WDR1: variants seen among roughly 807,000 people sequenced by gnomAD.
The protein encoded by WDR1 is WD repeat-containing protein 1.
A neutral mutation model predicts 71.9 loss-of-function variants in WDR1; 21 were observed. The ratio of observed to expected loss-of-function variants is 0.29; its 90% CI spans 0.21 to 0.42. WDR1 has a LOEUF of 0.42. WDR1 is among the 10% of genes least tolerant of loss of function. The pLI is 1.00. For synonymous variants in WDR1, 424 were observed against 347.4 expected (o/e 1.22, Z -2.45); for missense variants, 696 against 824.5 (o/e 0.84, Z 1.91).
intron 10 of WDR1, among the ~76,000 whole-genome samples, chr4:10,082,458 C>T (rs2109644194): frequency 6.6e-6 from 1 of 152,354 alleles, no homozygotes; most frequent in Non-Finnish European, 1.5e-5. Flanking sequence ...GAACATTTCT[C>T]TTTCAAGTCC....
intron 5 of WDR1, among the ~76,000 whole-genome samples, chr4:10,088,985 G>A (rs937938277): frequency 1.3e-5 from 2 of 152,212 alleles, no homozygotes; most frequent in African/African-American, 2.4e-5. Flanking sequence ...TAGCCCGAGC[G>A]AAGGCAGACC....
intron 2 of WDR1, among the ~76,000 whole-genome samples, chr4:10,107,126 T>C (rs1713069976): frequency 6.6e-6 from 1 of 152,058 alleles, no homozygotes; most frequent in Non-Finnish European, 1.5e-5. Flanking sequence ...AAAAGTTCTG[T>C]CTCCCCATCT....
intron 4 of WDR1, among the ~76,000 whole-genome samples, 200 bp from the exon 5 acceptor site, chr4:10,098,091 A>G (rs1295449232): frequency 6.6e-6 from 1 of 151,982 alleles, no homozygotes; most frequent in Non-Finnish European, 1.5e-5. Flanking sequence ...AGGACCCAAG[A>G]ACAAGATGGG....
chr4:10,099,685 C>T (rs6830418), intron 3 of WDR1, among the ~76,000 whole-genome samples: 7 of 152,234 alleles, frequency 4.6e-5, no homozygotes, highest in African/African-American at 1.2e-4. Context: ...CGTGGCCTGG[C>T]GGCCTCCACC....
Position 10,075,160 on chromosome 4 carries a change from C to T in WDR1, c.*218G>A, listed in dbSNP as rs1485220600. 3.7e-6 allele frequency: 2 copies of T among 545,064 alleles called. No homozygotes were observed. Among genetic ancestry groups the T allele is most frequent in the African/African-American group, 1.9e-5 (1 of 52,954 alleles). The allele number at this position is 545,064 out of a possible 1,614,324, so 33.8% of individuals were successfully genotyped here. On this transcript the variant is annotated 3_prime_UTR_variant, in exon 15 of 15. Transcript: ENST00000499869. ...TTATGCTCCACACATTGTTTAGGTG[C>T]TCGCTTTATTTTTCATGTGCAAACT...
chr4:10,086,097 C>T (rs528833756), intron 8 of WDR1, among the ~76,000 whole-genome samples: 18 of 152,310 alleles, frequency 1.2e-4, no homozygotes, highest in Admixed American at 9.8e-4. Flanking sequence ...AGAACACTGT[C>T]GGGGATGGCT....
intron 10 of WDR1, 94 bp from the exon 11 acceptor site, chr4:10,081,538 T>C: frequency 8.3e-7 from 1 of 1,207,104 alleles, no homozygotes; most frequent in East Asian, 2.4e-5. Flanking sequence ...GTTTTGCTCC[T>C]TAGAAGGCAA....
At chr4:10,102,671 C>T (rs530017255) in intron 3 of WDR1, among the ~76,000 whole-genome samples, 7 of 152,328 alleles carry the variant, frequency 4.6e-5, no homozygotes, top group South Asian at 4.1e-4. Flanking sequence ...AAGACAGAGC[C>T]GAACCCAGGT....
chr4:10,105,057 T>G (rs953656584), intron 2 of WDR1, among the ~76,000 whole-genome samples: 4 of 152,242 alleles, frequency 2.6e-5, no homozygotes, highest in African/African-American at 9.6e-5. Context: ...TCCACGTCTG[T>G]GTGTAGTCTG....
chr4:10,093,518 G>A lies in WDR1; in HGVS notation c.558+4193C>T, dbSNP rs978113113. On this transcript the variant is annotated intron_variant, in intron 5 of 14. Coordinates refer to ENST00000499869, the MANE Select transcript of WDR1 (RefSeq NM_017491.5). ...TCCACTTAGTTGGGCTGAGGGGCAC[G>A]AAGGAGCTACCCACCCAACTGCCTC... Among the ~76,000 whole-genome samples, 5 of 152,378 alleles carry A rather than the reference G, an allele frequency of 3.3e-5. No individual in the cohort carries two copies. The East Asian group carries it at 5.8e-4, about 18-fold the overall frequency.
intron 3 of WDR1, 65 bp downstream of exon 3, chr4:10,103,831 G>A: frequency 7.7e-6 from 8 of 1,032,392 alleles, no homozygotes; most frequent in East Asian, 5.8e-5. Context: ...GCCCAGCTTC[G>A]CCCTGGGCCC....
Position 10,093,056 on chromosome 4 carries a change from G to A in WDR1, c.559-4315C>T, listed in dbSNP as rs749039674. Reference sequence around the variant, plus strand: ...GCTCCCTCTCACCACCGAGGAAACCGAGGCTTGAAGCACTGAGGTCATAAT... The same window carrying A: ...GCTCCCTCTCACCACCGAGGAAACCAAGGCTTGAAGCACTGAGGTCATAAT... On this transcript the variant is annotated intron_variant, in intron 5 of 14. Transcript: ENST00000499869. 187 of 1,289,198 alleles carry A rather than the reference G, an allele frequency of 1.5e-4. No homozygotes were observed. In the Middle Eastern group the frequency reaches 1.5e-3, roughly 10 times the overall value. 79.9% of individuals were successfully genotyped at this position (1,289,198 alleles called of 1,614,324 possible). A position where few individuals can be genotyped will look rare whatever the true frequency, so the allele number is the denominator to read the frequency against.
rs1486104768 is a variant in WDR1, at chr4:10,093,084, AG to A, written c.559-4344del. Reference sequence around the variant, plus strand: ...GCTTGAAGCACTGAGGTCATAATTAAGTACCACACCCATGTCAACATCACAG... The same window carrying A: ...GCTTGAAGCACTGAGGTCATAATTAATACCACACCCATGTCAACATCACAG... On this transcript the variant is annotated intron_variant, in intron 5 of 14. Transcript: ENST00000499869. The A allele has an allele frequency of 2.3e-6, 3 of 1,289,364 alleles. No homozygotes were observed. In the African/African-American group the frequency reaches 4.6e-5, roughly 20 times the overall value. The allele number at this position is 1,289,364 out of a possible 1,614,324, so 79.9% of individuals were successfully genotyped here.
Position 10,116,206 on chromosome 4 carries a change from C to G in WDR1, c.45G>C (p.Val15=), listed in dbSNP as rs1159701991. Residue 15 remains valine, a synonymous_variant, in exon 2 of 15, where the codon GTG becomes GTC. Transcript: ENST00000499869. ...CGATGATCTTGGAGACGCCCCTCTC[C>G]ACCTGCGGGAGGCTGGCGAACACCT... ...IKKVFASLPQ[V]ERGVSKIIGG... is the part of the protein sequence containing the mutation. The G allele has an allele frequency of 1.1e-5, 17 of 1,613,716 alleles. No individual in the cohort carries two copies. Among genetic ancestry groups the G allele is most frequent in the Non-Finnish European group, 1.4e-5 (16 of 1,179,828 alleles).
intron 2 of WDR1, among the ~76,000 whole-genome samples, chr4:10,109,630 T>C (rs756283611): frequency 2.0e-5 from 3 of 152,232 alleles, no homozygotes; most frequent in Non-Finnish European, 4.4e-5. Flanking sequence ...GTACTCACCG[T>C]GTGGCCCTGC....
At chr4:10,116,317 T>C (rs1435681621) in intron 1 of WDR1, 83 bp from the exon 2 acceptor site, 1 of 1,577,800 alleles carries the variant, frequency 6.3e-7, no homozygotes, top group Admixed American at 1.7e-5. Flanking sequence ...CCCGGACCGG[T>C]CTCGGCCGGT....
Position 10,075,147 on chromosome 4 carries a change from C to G in WDR1, c.*231G>C. ...CTGTGGGTTTTAGTTATGCTCCACA[C>G]ATTGTTTAGGTGCTCGCTTTATTTT... On this transcript the variant is annotated 3_prime_UTR_variant, in exon 15 of 15. Transcript: ENST00000499869. The G allele has an allele frequency of 1.9e-6, 1 of 530,546 alleles. No individual in the cohort carries two copies. The highest frequency in any genetic ancestry group is 3.3e-5 in the Admixed American group (1 of 29,854). The allele number at this position is 530,546 out of a possible 1,614,324, so 32.9% of individuals were successfully genotyped here. A position where few individuals can be genotyped will look rare whatever the true frequency, so the allele number is the denominator to read the frequency against.
chr4:10,107,585 G>T (rs1257141661), intron 2 of WDR1, among the ~76,000 whole-genome samples: 1 of 152,158 alleles, frequency 6.6e-6, no homozygotes, highest in African/African-American at 2.4e-5. Flanking sequence ...AACCCTTGAG[G>T]ATAGAACAGG....
At chr4:10,078,132 C>T (rs910404260) in intron 12 of WDR1, among the ~76,000 whole-genome samples, 13 of 152,198 alleles carry the variant, frequency 8.5e-5, no homozygotes, top group African/African-American at 2.2e-4. Flanking sequence ...GTTGGTACCT[C>T]GGGGCACCGC....
Sources: gnomAD v4.1 joint callset for allele counts (sites outside exome capture counted in the v4.1 genomes callset) on GRCh38, gnomAD v4.1.1 for gene constraint, MANE v1.5 for transcripts, NCBI Gene and HGNC (gene_info 2026-07-23, HGNC 2026-07-21) for gene names.